The following SDK1 variants were observed in gnomAD, a reference collection of about 807,000 sequenced individuals.
The protein encoded by SDK1 is sidekick cell adhesion molecule 1.
In SDK1, 157 loss-of-function variants were observed where a neutral mutation model predicts 245.5. The observed-to-expected ratio is 0.64, with a 90% confidence interval of 0.56 to 0.73. The LOEUF (loss-of-function observed/expected upper bound fraction) is 0.73. SDK1 is among the 30% of genes least tolerant of loss of function. The pLI is 0.00. For missense variants in SDK1, 3,583 were observed against 3,002.3 expected (o/e 1.19, Z -4.52); for synonymous variants, 1,647 against 1,278.5 (o/e 1.29, Z -6.15).
intron 1 of SDK1, among the ~76,000 whole-genome samples, chr7:3,532,614 T>G (rs1783384753): frequency 6.6e-6 from 1 of 152,214 alleles, no homozygotes. Context: ...ATAACTGTCA[T>G]GTTAACTCCA....
At position 3,821,456 on chromosome 7, in the gene SDK1, C is replaced by G. The variant is rs371315358; in HGVS notation, c.720C>G (p.Ile240Met). The change falls in exon 5 of 45, where the codon ATC (isoleucine) becomes ATG (methionine). Residue 240 changes from isoleucine to methionine, a missense_variant. Ile to Met is a conservative substitution (Grantham distance 10). Transcript: ENST00000404826. ...HKIIPSNRIA[I>M]TLENQLVILA... ...CTCTTCTTTTCTGAAACAGAGCCATCACATTGGAGAATCAGCTGGTGATCC... is the reference window on the plus strand; with the variant it reads ...CTCTTCTTTTCTGAAACAGAGCCATGACATTGGAGAATCAGCTGGTGATCC... 1.9e-6 allele frequency: 3 copies of G among 1,613,056 alleles called. No individual in the cohort carries two copies. The highest frequency in any genetic ancestry group is 8.5e-7 in the Non-Finnish European group (1 of 1,179,642).
rs779785703 is a variant in SDK1, at chr7:4,208,090, T to A, written c.5215-9T>A. 2.6e-5 allele frequency: 42 copies of A among 1,608,614 alleles called. No homozygotes were observed. The highest frequency in any genetic ancestry group is 3.4e-5 in the Non-Finnish European group (40 of 1,177,180). On this transcript the variant is annotated splice_polypyrimidine_tract_variant and intron_variant, in intron 36 of 44. Coordinates refer to ENST00000404826, the MANE Select transcript of SDK1 (RefSeq NM_152744.4). ...AGGACCCACCCCAACCTCTTGCTGTTCCTAACAGATTTACTACTGGGAGGC... is the reference window on the plus strand; with the variant it reads ...AGGACCCACCCCAACCTCTTGCTGTACCTAACAGATTTACTACTGGGAGGC...
At chr7:3,366,608 T>A (rs552580209) in intron 1 of SDK1, among the ~76,000 whole-genome samples, 75 of 152,306 alleles carry the variant, frequency 4.9e-4, no homozygotes, top group African/African-American at 1.8e-3. Flanking sequence ...TATTTCAGTG[T>A]AGTTTTTATT....
In SDK1 at chr7:3,748,308, G is replaced by A. The variant is rs577644207; in HGVS notation, c.714-73142G>A. Among the ~76,000 whole-genome samples the A allele has an allele frequency of 2.6e-5, 4 of 152,202 alleles. 1 individual carries two copies. The highest frequency in any genetic ancestry group is 9.6e-5 in the African/African-American group (4 of 41,536). On this transcript the variant is annotated intron_variant, in intron 4 of 44. Coordinates refer to ENST00000404826, the MANE Select transcript of SDK1 (RefSeq NM_152744.4). ...TTTTTTATAGTTCCTTTATTTCCCG[G>A]ATTCTCTAAAAATGAATAGGTGTTA...
At position 3,957,001 on chromosome 7, in the gene SDK1, C is replaced by A. The variant is rs542226263; in HGVS notation, c.1151-1930C>A. On this transcript the variant is annotated intron_variant, in intron 7 of 44. Coordinates refer to ENST00000404826, the MANE Select transcript of SDK1 (RefSeq NM_152744.4). ...GCCCGTAGGTGCCGACCATTGTTAT[C>A]TATGGATTTTGTATCATCAAAGCAC... Among the ~76,000 whole-genome samples, 252 of 152,300 alleles carry A rather than the reference C, an allele frequency of 1.7e-3. 1 individual carries two copies. Among genetic ancestry groups the A allele is most frequent in the African/African-American group, 5.9e-3 (246 of 41,556 alleles).
At chr7:4,221,148 C>CGG in intron 39 of SDK1, 91 bp from the exon 40 acceptor site, 2 of 1,488,600 alleles carry the variant, frequency 1.3e-6, no homozygotes, top group South Asian at 2.4e-5. Flanking sequence ...CAGCCTCGAC[C>CGG]GGTCTGACCC....
intron 35 of SDK1, among the ~76,000 whole-genome samples, chr7:4,198,398 T>C (rs1447512213): frequency 2.6e-5 from 4 of 152,222 alleles, no homozygotes; most frequent in African/African-American, 9.6e-5. Flanking sequence ...GCCCCAGGGC[T>C]CTTTGCACTT....
chr7:3,702,592 G>C (rs1249904362), intron 4 of SDK1, among the ~76,000 whole-genome samples: 3 of 152,154 alleles, frequency 2.0e-5, no homozygotes, highest in Non-Finnish European at 4.4e-5. Context: ...CTCGTACACT[G>C]ACTCCAGCAC....
chr7:3,302,272 C>T (rs1177601068), intron 1 of SDK1: 1 of 152,270 alleles, frequency 6.6e-6, no homozygotes, highest in Non-Finnish European at 1.5e-5. Context: ...TGAGTGACAT[C>T]CAGAAGACTT....
At chr7:3,532,861 C>T (rs755289261) in intron 1 of SDK1, among the ~76,000 whole-genome samples, 8 of 152,092 alleles carry the variant, frequency 5.3e-5, no homozygotes, top group African/African-American at 9.6e-5. Context: ...AGGCTCTTTT[C>T]GTCTTTAGCC....
At chr7:3,987,373 T>A in intron 14 of SDK1, 51 bp downstream of exon 14, 1 of 1,593,950 alleles carries the variant, frequency 6.3e-7, no homozygotes, top group Non-Finnish European at 8.6e-7. Context: ...GATTTTTGTG[T>A]GTGCTCTTAA....
intron 1 of SDK1, among the ~76,000 whole-genome samples, chr7:3,395,448 T>A (rs554062004): frequency 6.6e-6 from 1 of 152,070 alleles, no homozygotes; most frequent in East Asian, 1.9e-4. Context: ...ATAATTTGTC[T>A]CGCTTTGCTA....
At chr7:3,506,047 G>A (rs1210347294) in intron 1 of SDK1, among the ~76,000 whole-genome samples, 1 of 151,654 alleles carries the variant, frequency 6.6e-6, no homozygotes, top group Non-Finnish European at 1.5e-5. Context: ...TTCATTTGTA[G>A]ACACCCACAT....
chr7:3,715,543 G>A (rs1488995806), intron 4 of SDK1, among the ~76,000 whole-genome samples: 2 of 152,154 alleles, frequency 1.3e-5, no homozygotes, highest in African/African-American at 4.8e-5. Context: ...GGCAATAGCA[G>A]GGATAGAGAA....
intron 14 of SDK1, among the ~76,000 whole-genome samples, chr7:3,992,717 A>G (rs1583760421): frequency 1.3e-5 from 2 of 152,318 alleles, no homozygotes; most frequent in South Asian, 4.1e-4. Context: ...AGTGTGCCAT[A>G]AAAAGGATTA....
intron 40 of SDK1, among the ~76,000 whole-genome samples, chr7:4,232,575 G>A (rs932876842): frequency 2.6e-5 from 4 of 151,820 alleles, no homozygotes; most frequent in Non-Finnish European, 5.9e-5. Flanking sequence ...CAATCCTCCT[G>A]CTTCAGCCTC....
intron 5 of SDK1, among the ~76,000 whole-genome samples, chr7:3,917,050 T>G (rs1342270230): frequency 1.3e-5 from 2 of 152,214 alleles, no homozygotes; most frequent in African/African-American, 4.8e-5. Flanking sequence ...AACACTCCCA[T>G]CATCCCTTAA....
chr7:3,840,767 C>T (rs970429643), intron 5 of SDK1, among the ~76,000 whole-genome samples: 8 of 152,264 alleles, frequency 5.3e-5, no homozygotes, highest in Admixed American at 6.5e-5. Context: ...CAGTATGATC[C>T]GAGAATCGCG....
At chr7:3,952,359 A>C (rs893282361) in intron 7 of SDK1, among the ~76,000 whole-genome samples, 2 of 152,174 alleles carry the variant, frequency 1.3e-5, no homozygotes, top group Non-Finnish European at 1.5e-5. Flanking sequence ...TGGGCGGATC[A>C]CTTGAGGCCA....
Sources: allele counts gnomAD v4.1 joint callset (sites outside exome capture counted in the v4.1 genomes callset), GRCh38; gene constraint gnomAD v4.1.1; transcripts MANE v1.5; gene names NCBI Gene and HGNC (gene_info 2026-07-23, HGNC 2026-07-21).